The following MAST4 variants were observed in gnomAD, a reference collection of about 807,000 sequenced individuals.
The protein encoded by MAST4 is microtubule-associated serine/threonine-protein kinase 4.
In MAST4, 89 loss-of-function variants were observed where a neutral mutation model predicts 162.7. The observed-to-expected ratio is 0.55, with a 90% CI of 0.46 to 0.65. The LOEUF (loss-of-function observed/expected upper bound fraction) is 0.65, where lower values mean the gene tolerates loss of function less well. Ranked by LOEUF, MAST4 falls within the 30% of genes least tolerant of loss-of-function variation. MAST4 has a pLI of 0.00. For missense variants in MAST4, 3,153 were observed against 3,374.0 expected (o/e 0.93, Z 1.62); for synonymous variants, 1,479 against 1,361.1 (o/e 1.09, Z -1.91).
intron 4 of MAST4, among the ~76,000 whole-genome samples, chr5:66,961,599 C>A (rs1038677332): frequency 6.6e-6 from 1 of 152,156 alleles, no homozygotes; most frequent in Non-Finnish European, 1.5e-5. Context: ...TAGCCTATGC[C>A]TGGCTTTCCA....
At chr5:67,020,085 G>C (rs1323051448) in intron 4 of MAST4, among the ~76,000 whole-genome samples, 1 of 152,122 alleles carries the variant, frequency 6.6e-6, no homozygotes, top group East Asian at 1.9e-4. Context: ...GTTCTCCCTT[G>C]AGTTTCAGGC....
intron 4 of MAST4, among the ~76,000 whole-genome samples, chr5:66,968,449 C>T (rs561528990): frequency 1.1e-3 from 173 of 152,296 alleles, no homozygotes; most frequent in African/African-American, 4.0e-3. Context: ...TGCCATGTTG[C>T]TGGTAGGATA....
chr5:66,860,079 G>T (rs1759986068), intron 3 of MAST4, among the ~76,000 whole-genome samples: 1 of 152,212 alleles, frequency 6.6e-6, no homozygotes, highest in African/African-American at 2.4e-5. Flanking sequence ...GCTCTTTGGG[G>T]TGGTAGTGAG....
intron 10 of MAST4, among the ~76,000 whole-genome samples, chr5:67,106,516 A>G (rs1765611205): frequency 6.6e-6 from 1 of 152,096 alleles, no homozygotes; most frequent in Non-Finnish European, 1.5e-5. Flanking sequence ...TTTACTTCCT[A>G]AATATTTCTA....
chr5:66,698,237 A>G (rs1479880487), intron 1 of MAST4, among the ~76,000 whole-genome samples: 1 of 152,040 alleles, frequency 6.6e-6, no homozygotes, highest in Non-Finnish European at 1.5e-5. Flanking sequence ...GCAGCTGAGT[A>G]TCTTGGAGAC....
chr5:66,732,190 G>A (rs1409270942), intron 1 of MAST4, among the ~76,000 whole-genome samples: 2 of 151,956 alleles, frequency 1.3e-5, no homozygotes, highest in Non-Finnish European at 2.9e-5. Context: ...TTGACTTTCA[G>A]TTACTGCTGG....
chr5:67,066,045 A>G (rs1760187864), intron 5 of MAST4, among the ~76,000 whole-genome samples: 1 of 152,170 alleles, frequency 6.6e-6, no homozygotes, highest in Non-Finnish European at 1.5e-5. Flanking sequence ...GGGAGGAGAG[A>G]GGTAGATAAA....
chr5:66,965,967 A>G (rs1746677327), intron 4 of MAST4, among the ~76,000 whole-genome samples: 1 of 152,232 alleles, frequency 6.6e-6, no homozygotes, highest in Non-Finnish European at 1.5e-5. Context: ...AATGAGTAAC[A>G]GGTCTGGGAG....
chr5:66,737,699 T>C (rs1378262581), intron 1 of MAST4, among the ~76,000 whole-genome samples: 1 of 152,184 alleles, frequency 6.6e-6, no homozygotes, highest in African/African-American at 2.4e-5. Flanking sequence ...TTAGGCTCAT[T>C]AGAGGTTTCT....
intron 4 of MAST4, among the ~76,000 whole-genome samples, chr5:66,999,603 G>A (rs1485088314): frequency 1.3e-5 from 2 of 152,112 alleles, no homozygotes; most frequent in East Asian, 3.8e-4. Flanking sequence ...GCTTCAGACT[G>A]TATCCTTTAC....
At chr5:66,988,512 A>AAT (rs1749749248) in intron 4 of MAST4, among the ~76,000 whole-genome samples, 1 of 152,226 alleles carries the variant, frequency 6.6e-6, no homozygotes, top group East Asian at 1.9e-4. Flanking sequence ...ACTGTTTTAA[A>AAT]TACTTTAAAA....
At chr5:66,763,040 A>G (rs1291149782) in intron 2 of MAST4, among the ~76,000 whole-genome samples, 1 of 152,170 alleles carries the variant, frequency 6.6e-6, no homozygotes, top group Non-Finnish European at 1.5e-5. Context: ...TGTGTCTATG[A>G]GGGAGACACT....
At chr5:67,153,106 G>A (rs1233330282) in intron 25 of MAST4, among the ~76,000 whole-genome samples, 1 of 152,140 alleles carries the variant, frequency 6.6e-6, no homozygotes, top group Non-Finnish European at 1.5e-5. Context: ...TACCAAGCTG[G>A]TAGACATAGT....
chr5:67,096,061 G>A (rs1764431828), intron 7 of MAST4, among the ~76,000 whole-genome samples: 1 of 151,930 alleles, frequency 6.6e-6, no homozygotes, highest in Admixed American at 6.6e-5. Flanking sequence ...TTCCTATGTG[G>A]CTTAGATAGA....
At chr5:66,983,534 C>T (rs956342281) in intron 4 of MAST4, among the ~76,000 whole-genome samples, 5 of 152,088 alleles carry the variant, frequency 3.3e-5, no homozygotes, top group African/African-American at 1.2e-4. Flanking sequence ...TGTGTAGTAT[C>T]TCTAAGTGCC....
At chr5:66,672,935 C>G (rs954450107) in intron 1 of MAST4, among the ~76,000 whole-genome samples, 8 of 152,230 alleles carry the variant, frequency 5.3e-5, no homozygotes, top group Non-Finnish European at 1.0e-4. Flanking sequence ...CCCTGTCCCC[C>G]ACATCCCTGT....
At chr5:66,769,770 T>C (rs894242872) in intron 2 of MAST4, among the ~76,000 whole-genome samples, 7 of 152,330 alleles carry the variant, frequency 4.6e-5, no homozygotes, top group African/African-American at 1.7e-4. Flanking sequence ...TGACTATGTT[T>C]TGAAATTTGG....
At chr5:66,680,786 G>A (rs992295449) in intron 1 of MAST4, among the ~76,000 whole-genome samples, 2 of 152,214 alleles carry the variant, frequency 1.3e-5, no homozygotes, top group African/African-American at 4.8e-5. Flanking sequence ...GAGTGCAGCA[G>A]TGTCCTGGTG....
At chr5:66,852,438 G>A (rs1057445132) in intron 3 of MAST4, among the ~76,000 whole-genome samples, 1 of 152,164 alleles carries the variant, frequency 6.6e-6, no homozygotes, top group African/African-American at 2.4e-5. Flanking sequence ...GAGCCACCGT[G>A]CCTGGCCTAT....
Sources: allele counts gnomAD v4.1 joint callset (sites outside exome capture counted in the v4.1 genomes callset), GRCh38; gene constraint gnomAD v4.1.1; transcripts MANE v1.5; gene names NCBI Gene and HGNC (gene_info 2026-07-23, HGNC 2026-07-21).